Variants in NINJ1 observed in about 807,000 individuals in gnomAD.
The protein encoded by NINJ1 is ninjurin-1.
In NINJ1, 6 loss-of-function variants were observed where a neutral mutation model predicts 12.7. The observed-to-expected ratio is 0.47, with a 90% CI of 0.26 to 0.93. The LOEUF (loss-of-function observed/expected upper bound fraction) is 0.93. Ranked by LOEUF, NINJ1 falls within the 40% of genes least tolerant of loss-of-function variation. The pLI is 0.15. For synonymous variants in NINJ1, 100 were observed against 96.0 expected (o/e 1.04, Z -0.25); for missense variants, 170 against 213.0 (o/e 0.80, Z 1.26).
intron 1 of NINJ1, among the ~76,000 whole-genome samples, chr9:93,131,247 T>G (rs922007084): frequency 5.9e-5 from 9 of 152,242 alleles, no homozygotes; most frequent in Non-Finnish European, 1.3e-4. Context: ...CAGCAGGAAG[T>G]GCTGGAAGGC....
chr9:93,126,734 G>T, intron 1 of NINJ1, 96 bp from the exon 2 acceptor site: 1 of 913,898 alleles, frequency 1.1e-6, no homozygotes, highest in South Asian at 1.6e-5. Flanking sequence ...CTGCAGGTGA[G>T]GGCTTCCCTT....
chr9:93,124,263 C>T (rs1262879551), intron 3 of NINJ1, among the ~76,000 whole-genome samples: 1 of 152,104 alleles, frequency 6.6e-6, no homozygotes, highest in African/African-American at 2.4e-5. Flanking sequence ...TCAAGAGAAG[C>T]CGGAAATCTT....
At chr9:93,131,561 G>A (rs932078722) in intron 1 of NINJ1, 5 of 152,280 alleles carry the variant, frequency 3.3e-5, no homozygotes, top group African/African-American at 1.2e-4. Flanking sequence ...GCAGGAAGGT[G>A]TGGCTGGCAC....
intron 1 of NINJ1, among the ~76,000 whole-genome samples, chr9:93,133,359 T>C (rs1827925625): frequency 6.6e-6 from 1 of 152,132 alleles, no homozygotes; most frequent in Non-Finnish European, 1.5e-5. Flanking sequence ...CTGAGGGGGT[T>C]AGAAAAGGAA....
chr9:93,130,794 A>C (rs1371663113), intron 1 of NINJ1, among the ~76,000 whole-genome samples: 2 of 152,184 alleles, frequency 1.3e-5, no homozygotes, highest in Non-Finnish European at 2.9e-5. Flanking sequence ...CAGGCTCACA[A>C]AACAGTCACA....
intron 2 of NINJ1, chr9:93,125,319 C>T (rs1034799821): frequency 1.5e-5 from 5 of 327,972 alleles, no homozygotes; most frequent in South Asian, 1.2e-4. Flanking sequence ...TTTCCTTATA[C>T]GAATTGAAGC....
chr9:93,134,055 C>G, intron 1 of NINJ1, 88 bp downstream of exon 1: 2 of 1,056,318 alleles, frequency 1.9e-6, no homozygotes, highest in East Asian at 3.2e-5. Context: ...GCAGTGCGGA[C>G]GCGGCGCACA....
intron 1 of NINJ1, among the ~76,000 whole-genome samples, chr9:93,127,626 T>C (rs948519784): frequency 2.0e-5 from 3 of 152,258 alleles, no homozygotes; most frequent in Admixed American, 6.5e-5. Context: ...CCTCTCAAGC[T>C]GCCCTGGTGG....
intron 1 of NINJ1, among the ~76,000 whole-genome samples, chr9:93,129,987 C>T (rs1489318133): frequency 6.6e-6 from 1 of 152,186 alleles, no homozygotes; most frequent in Admixed American, 6.5e-5. Flanking sequence ...GCCGGGGGAC[C>T]CAGCTACCAC....
intron 1 of NINJ1, among the ~76,000 whole-genome samples, chr9:93,127,583 A>G (rs1269902342): frequency 1.3e-5 from 2 of 152,148 alleles, no homozygotes; most frequent in East Asian, 3.9e-4. Flanking sequence ...GCTAAGTACC[A>G]AACTTCCTCT....
rs751504497 is a variant in NINJ1 at position 93,134,244 on chromosome 9, C to G, written c.-27G>C. 1.4e-6 allele frequency: 2 copies of G among 1,432,336 alleles called. No individual in the cohort carries two copies. Among genetic ancestry groups the G allele is most frequent in the South Asian group, 2.7e-5 (2 of 74,176 alleles). The allele number at this position is 1,432,336 out of a possible 1,614,324, so 88.7% of individuals were successfully genotyped here. On this transcript the variant is annotated 5_prime_UTR_variant, in exon 1 of 4. Coordinates refer to ENST00000375446, the MANE Select transcript of NINJ1 (RefSeq NM_004148.4). ...GTGCGGCCGCCCAGGCCGCCAGGAT[C>G]CGGGCCTGAGCGCGCCCGAGCCTCA... is the stretch of plus-strand genomic sequence containing the variant.
At chr9:93,126,928 C>A in intron 1 of NINJ1, among the ~76,000 whole-genome samples, 1 of 152,298 alleles carries the variant, frequency 6.6e-6, no homozygotes, top group South Asian at 2.1e-4. Context: ...GATCCTCCCA[C>A]TCCTGCCATA....
Position 93,126,390 on chromosome 9 carries a change from GC to G in NINJ1, c.304+19del. On this transcript the variant is annotated intron_variant, in intron 2 of 3. Coordinates refer to ENST00000375446, the MANE Select transcript of NINJ1 (RefSeq NM_004148.4). ...AGCAAGGTGAGCAGGTGGCCTGGCT[GC>G]CCCCACCTGGGGACCTACCAAGGAA... is the stretch of plus-strand genomic sequence containing the variant. The G allele has an allele frequency of 6.3e-7, 1 of 1,599,266 alleles. No individual in the cohort carries two copies. The highest frequency in any genetic ancestry group is 2.2e-5 in the East Asian group (1 of 44,676).
chr9:93,127,617 C>T (rs535833865), intron 1 of NINJ1, among the ~76,000 whole-genome samples: 1 of 152,366 alleles, frequency 6.6e-6, no homozygotes, highest in South Asian at 2.1e-4. Flanking sequence ...GAGTCTGCCC[C>T]TCTCAAGCTG....
At chr9:93,128,667 T>G (rs1410884555) in intron 1 of NINJ1, among the ~76,000 whole-genome samples, 1 of 152,232 alleles carries the variant, frequency 6.6e-6, no homozygotes, top group African/African-American at 2.4e-5. Context: ...CCAAAGTGCC[T>G]TCCTTCAAGG....
At chr9:93,122,509 G>A (rs1409885616) in intron 3 of NINJ1, among the ~76,000 whole-genome samples, 1 of 145,784 alleles carries the variant, frequency 6.9e-6, no homozygotes, top group East Asian at 1.9e-4. Flanking sequence ...GAGCCAGGCT[G>A]TGACAAGCCC....
Position 93,126,678 on chromosome 9 carries a change from G to T in NINJ1, c.76-40C>A, listed in dbSNP as rs200089902. The stretch of plus-strand genomic sequence containing the variant: ...ATGGTCAGCAAGGCGGGTGGGGGAG[G>T]GGGGCAAGGGCTGTGCCTGAGTCGG... On this transcript the variant is annotated intron_variant, in intron 1 of 3. Transcript: ENST00000375446. 178 of 1,512,640 alleles carry T rather than the reference G, an allele frequency of 1.2e-4. No individual in the cohort carries two copies. The African/African-American group carries it at 1.9e-3, about 16-fold the overall frequency. The allele number at this position is 1,512,640 out of a possible 1,614,324, so 93.7% of individuals were successfully genotyped here. A position where few individuals can be genotyped will look rare whatever the true frequency, so the allele number is the denominator to read the frequency against.
chr9:93,134,152 C>T lies in NINJ1; in HGVS notation c.66G>A (p.Pro22=). The T allele has an allele frequency of 1.9e-6, 3 of 1,555,582 alleles. No homozygotes were observed. Among genetic ancestry groups the T allele is most frequent in the Middle Eastern group, 1.7e-4 (1 of 5,864 alleles). The change falls in exon 1 of 4, where the codon CCG becomes CCA. Residue 22 remains proline (P), a synonymous_variant. Coordinates refer to ENST00000375446, the MANE Select transcript of NINJ1 (RefSeq NM_004148.4). ...GGLPPGTPGS[P]DASPARWGWR... is the part of the protein sequence containing the mutation. ...GGGGGGAAGGTCTTACCGAGGCGTC[C>T]GGGGAGCCGGGTGTGCCCGGAGGCA...
rs1413539362 is a variant in NINJ1, at chr9:93,134,207, C to T, written c.11G>A (p.Gly4Glu). The T allele has an allele frequency of 3.3e-6, 5 of 1,514,762 alleles. No homozygotes were observed. The highest frequency in any genetic ancestry group is 2.6e-5 in the East Asian group (1 of 38,526). 93.8% of individuals were successfully genotyped at this position (1,514,762 alleles called of 1,614,324 possible). ...GCCGTTGAGCTCGTACTCCTCGGTT[C>T]CCGAGTCCATGGTGCGGCCGCCCAG... MDS[G>E]TEEYELNGGL... The change falls in exon 1 of 4, where the codon GGA (glycine) becomes GAA (glutamate). Residue 4 changes from glycine (G) to glutamate (E), a missense_variant. Gly to Glu is a moderately conservative substitution (Grantham distance 98). Transcript: ENST00000375446.
Sources: gnomAD v4.1 joint callset for allele counts (sites outside exome capture counted in the v4.1 genomes callset) on GRCh38, gnomAD v4.1.1 for gene constraint, MANE v1.5 for transcripts, NCBI Gene and HGNC (gene_info 2026-07-23, HGNC 2026-07-21) for gene names.